The following STK39 variants were observed in gnomAD, a reference collection of about 807,000 sequenced individuals.
The protein encoded by STK39 is STE20/SPS1-related proline-alanine-rich protein kinase.
STK39 carries 20 observed loss-of-function variants against 77.8 expected under a neutral mutation model. The ratio of observed to expected loss-of-function variants is 0.26; its 90% CI spans 0.18 to 0.37. The LOEUF is 0.37. STK39 is among the 10% of genes least tolerant of loss of function. STK39 has a pLI of 1.00. For synonymous variants in STK39, 246 were observed against 234.1 expected, an observed-to-expected ratio of 1.05 and a Z score of -0.47; for missense variants, 479 against 656.5, an observed-to-expected ratio of 0.73 and a Z score of 2.95.
At position 168,045,515 on chromosome 2, in the gene STK39, C is replaced by A. The variant is rs185603135; in HGVS notation, c.1376+17985G>T. ...TATTCAATATTTTCTCTGTTTATATCCTTATTTTCTTAAACCAAAATATAA... is the reference window on the plus strand; with the variant it reads ...TATTCAATATTTTCTCTGTTTATATACTTATTTTCTTAAACCAAAATATAA... On this transcript the variant is annotated intron_variant, in intron 14 of 17. Transcript: ENST00000355999. Among the ~76,000 whole-genome samples the A allele has an allele frequency of 6.6e-5, 10 of 152,288 alleles. 1 individual carries two copies. Among genetic ancestry groups the A allele is most frequent in the African/African-American group, 2.2e-4 (9 of 41,562 alleles).
At chr2:168,077,486 C>T (rs1280607439) in intron 10 of STK39, among the ~76,000 whole-genome samples, 1 of 152,028 alleles carries the variant, frequency 6.6e-6, no homozygotes, top group Non-Finnish European at 1.5e-5. Context: ...GATTATAGCT[C>T]TAGACATTGA....
chr2:167,997,247 C>G (rs4667997), intron 16 of STK39, among the ~76,000 whole-genome samples: 87,129 of 151,364 alleles, frequency 0.58, 25,779 homozygotes, highest in African/African-American at 0.67. Context: ...TCCCTACGTG[C>G]AATTTCTACC....
intron 14 of STK39, among the ~76,000 whole-genome samples, chr2:168,035,715 T>C (rs1684935118): frequency 6.6e-6 from 1 of 152,318 alleles, no homozygotes; most frequent in East Asian, 1.9e-4. Flanking sequence ...TGATCAATCA[T>C]GGCATTCAGA....
At chr2:168,054,450 C>G (rs898971223) in intron 14 of STK39, among the ~76,000 whole-genome samples, 38 of 152,250 alleles carry the variant, frequency 2.5e-4, no homozygotes, top group African/African-American at 7.5e-4. Context: ...TATCATCGTG[C>G]TTGGCACATA....
intron 2 of STK39, among the ~76,000 whole-genome samples, chr2:168,175,642 T>A (rs986177168): frequency 1.3e-5 from 2 of 152,220 alleles, no homozygotes; most frequent in Non-Finnish European, 2.9e-5. Context: ...TAGTTTTGCA[T>A]ATACAGTATA....
chr2:168,012,488 A>G, intron 16 of STK39, 146 bp downstream of exon 16: 1 of 698,826 alleles, frequency 1.4e-6, no homozygotes, highest in Non-Finnish European at 2.4e-6. Context: ...TGATTCTTAA[A>G]TATACTTCTA....
At chr2:168,245,820 T>TTA (rs1690883369) in intron 1 of STK39, among the ~76,000 whole-genome samples, 1 of 152,188 alleles carries the variant, frequency 6.6e-6, no homozygotes, top group Admixed American at 6.5e-5. Flanking sequence ...ACTCATCCCT[T>TTA]TAGAGTCTTT....
chr2:168,139,405 A>ATGT (rs57900746), intron 7 of STK39, among the ~76,000 whole-genome samples: 4 of 139,484 alleles, frequency 2.9e-5, no homozygotes, highest in African/African-American at 1.2e-4. Context: ...TGTTAAAAAA[A>ATGT]ATTTATATAT....
At chr2:168,164,760 C>A (rs1396935917) in intron 3 of STK39, among the ~76,000 whole-genome samples, 2 of 152,126 alleles carry the variant, frequency 1.3e-5, no homozygotes, top group African/African-American at 4.8e-5. Flanking sequence ...TTACAATAAA[C>A]AAACAGATAC....
At chr2:168,234,625 T>C (rs1690549374) in intron 1 of STK39, among the ~76,000 whole-genome samples, 1 of 152,182 alleles carries the variant, frequency 6.6e-6, no homozygotes. Flanking sequence ...CACTGACAGA[T>C]TATAACCAAA....
intron 14 of STK39, among the ~76,000 whole-genome samples, chr2:168,052,875 G>A (rs1157026379): frequency 1.3e-5 from 2 of 152,166 alleles, no homozygotes; most frequent in East Asian, 3.9e-4. Context: ...CTTAGTGCAG[G>A]GACCTCGTTA....
intron 10 of STK39, among the ~76,000 whole-genome samples, chr2:168,110,377 G>T (rs1687090149): frequency 6.6e-6 from 1 of 151,866 alleles, no homozygotes; most frequent in Non-Finnish European, 1.5e-5. Context: ...GGACCATAAG[G>T]ATATGCCACC....
At chr2:168,220,648 G>C (rs1690145065) in intron 1 of STK39, among the ~76,000 whole-genome samples, 1 of 152,130 alleles carries the variant, frequency 6.6e-6, no homozygotes, top group African/African-American at 2.4e-5. Flanking sequence ...CATTTCAATT[G>C]CATCAAGAAA....
At chr2:168,163,504 G>T (rs182148611) in intron 4 of STK39, 96 of 726,956 alleles carry the variant, frequency 1.3e-4, no homozygotes, top group Non-Finnish European at 1.5e-4. Flanking sequence ...TCTTTCTTAA[G>T]TACTTTTTTC....
At chr2:168,181,428 A>G (rs1022578869) in intron 2 of STK39, among the ~76,000 whole-genome samples, 6 of 152,334 alleles carry the variant, frequency 3.9e-5, no homozygotes, top group Middle Eastern at 3.4e-3. Context: ...TTATTTATAT[A>G]AAGTACTCAT....
At chr2:168,009,307 T>C (rs969143174) in intron 16 of STK39, among the ~76,000 whole-genome samples, 2 of 152,002 alleles carry the variant, frequency 1.3e-5, no homozygotes, top group Admixed American at 1.3e-4. Flanking sequence ...CTAGGATTGG[T>C]TAGAGGGAAC....
chr2:168,011,723 G>A (rs1054147921), intron 16 of STK39, among the ~76,000 whole-genome samples: 2 of 151,998 alleles, frequency 1.3e-5, no homozygotes, highest in Non-Finnish European at 2.9e-5. Flanking sequence ...CCCTATCTCC[G>A]TGCAGCTATC....
At chr2:168,058,923 G>C (rs932231836) in intron 14 of STK39, among the ~76,000 whole-genome samples, 2 of 152,142 alleles carry the variant, frequency 1.3e-5, no homozygotes, top group Non-Finnish European at 2.9e-5. Context: ...CAGGCCTCCT[G>C]GTTTTCTGCC....
intron 10 of STK39, among the ~76,000 whole-genome samples, chr2:168,102,799 G>A (rs938743017): frequency 6.6e-6 from 1 of 151,804 alleles, no homozygotes; most frequent in Non-Finnish European, 1.5e-5. Flanking sequence ...GTGTGGTGGT[G>A]GGCACCTGTA....
Sources: gnomAD v4.1 joint callset for allele counts (sites outside exome capture counted in the v4.1 genomes callset) on GRCh38, gnomAD v4.1.1 for gene constraint, MANE v1.5 for transcripts, NCBI Gene and HGNC (gene_info 2026-07-23, HGNC 2026-07-21) for gene names.